The following CEP63 variants were observed in gnomAD, a reference collection of about 807,000 sequenced individuals.
CEP63 encodes the protein centrosomal protein of 63 kDa.
CEP63 carries 84 observed loss-of-function variants against 89.1 expected under a neutral mutation model. The observed-to-expected ratio is 0.94, with a 90% CI of 0.79 to 1.13. The LOEUF is 1.13. Among genes scored for constraint, CEP63 ranks in the 50% most tolerant of loss-of-function variants. CEP63 has a pLI of 0.00. For synonymous variants in CEP63, 267 were observed against 272.5 expected (o/e 0.98, Z 0.20); for missense variants, 838 against 813.3 (o/e 1.03, Z -0.37).
chr3:134,608,334 A>G, the CEP63 span: 2 of 1,284,250 alleles, frequency 1.6e-6, no homozygotes, highest in Middle Eastern at 2.5e-4. Flanking sequence ...CTTCTGTGAC[A>G]TGCCAGGCTG....
rs1373600094 is a variant in CEP63, at chr3:134,561,946, C to G, written c.*411C>G. ...GCATGGATTTAGGGGTCAAACATAC[C>G]TGGATCGATAGACTGGTTTTGCCAC... On this transcript the variant is annotated 3_prime_UTR_variant, in exon 15 of 15. Transcript: ENST00000675561. The G allele has an allele frequency of 4.9e-6, 5 of 1,027,986 alleles. No homozygotes were observed. The highest frequency in any genetic ancestry group is 5.8e-6 in the Non-Finnish European group (5 of 855,938). 63.7% of individuals were successfully genotyped at this position (1,027,986 alleles called of 1,614,324 possible). A position where few individuals can be genotyped will look rare whatever the true frequency, so the allele number is the denominator to read the frequency against.
At chr3:134,644,059 T>C in the CEP63 span, among the ~76,000 whole-genome samples, 1 of 152,114 alleles carries the variant, frequency 6.6e-6, no homozygotes, top group Non-Finnish European at 1.5e-5. Context: ...TCTCCTGACC[T>C]TGTGATTCAC....
In CEP63 at chr3:134,545,714, G is replaced by GC; in HGVS notation, c.685dup (p.Arg229ProfsTer8). The GC allele has an allele frequency of 6.2e-7, 1 of 1,614,104 alleles. No homozygotes were observed. The highest frequency in any genetic ancestry group is 8.5e-7 in the Non-Finnish European group (1 of 1,180,006). ...TCTGTGCCAATGAGTTGGAAATAGA[G>GC]CGCCTCACCATGAGGGTCAATGACT... On this transcript the variant is annotated frameshift_variant, in exon 7 of 15. Transcript: ENST00000675561. LOFTEE classifies it high-confidence loss of function.
chr3:134,603,477 A>C, the CEP63 span: 1 of 1,041,260 alleles, frequency 9.6e-7, no homozygotes, highest in Non-Finnish European at 1.4e-6. Flanking sequence ...AAGGGATTTC[A>C]TGCAGACTCA....
downstream of CEP63, among the ~76,000 whole-genome samples, chr3:134,588,228 G>T (rs1958525050): frequency 6.6e-6 from 1 of 152,032 alleles, no homozygotes; most frequent in Non-Finnish European, 1.5e-5. Flanking sequence ...GATAGAGGTT[G>T]CAGTGAGCTG....
intron 10 of CEP63, 39 bp from the exon 11 acceptor site, chr3:134,550,024 C>A (rs763350615): frequency 7.0e-7 from 1 of 1,432,004 alleles, no homozygotes; most frequent in Non-Finnish European, 9.9e-7. Context: ...TAAATGCTTT[C>A]TCTTAACTTT....
the CEP63 span, among the ~76,000 whole-genome samples, chr3:134,667,038 G>T: frequency 2.6e-5 from 4 of 152,242 alleles, no homozygotes; most frequent in Non-Finnish European, 4.4e-5. Context: ...TCAGCTCTGG[G>T]CTCCTCCCCC....
chr3:134,526,702 T>G (rs1948719839), intron 3 of CEP63, among the ~76,000 whole-genome samples: 1 of 152,230 alleles, frequency 6.6e-6, no homozygotes, highest in African/African-American at 2.4e-5. Context: ...TTGGAGTTCT[T>G]GCACTATTTC....
chr3:134,624,553 T>A, the CEP63 span, among the ~76,000 whole-genome samples: 1 of 152,230 alleles, frequency 6.6e-6, no homozygotes, highest in African/African-American at 2.4e-5. Context: ...CAGCTCTTCA[T>A]CTGCTCCTCC....
the CEP63 span, among the ~76,000 whole-genome samples, chr3:134,635,606 T>G: frequency 6.6e-6 from 1 of 151,938 alleles, no homozygotes; most frequent in African/African-American, 2.4e-5. Flanking sequence ...AGAACTGCTG[T>G]ATATTCCGAT....
At chr3:134,684,684 C>G in the CEP63 span, among the ~76,000 whole-genome samples, 1 of 152,242 alleles carries the variant, frequency 6.6e-6, no homozygotes, top group Admixed American at 6.5e-5. Context: ...TCTGTTGCAA[C>G]TTTGTCCCCA....
chr3:134,643,111 G>A, the CEP63 span, among the ~76,000 whole-genome samples: 1 of 152,064 alleles, frequency 6.6e-6, no homozygotes, highest in Non-Finnish European at 1.5e-5. Flanking sequence ...TTGATCTCAT[G>A]GTGAGGGGAA....
chr3:134,604,314 A>G, the CEP63 span: 1,613,201 of 1,614,018 alleles, frequency 1, 806,195 homozygotes, highest in East Asian at 1. Flanking sequence ...TGCCCTTGGC[A>G]AAGATCTGCA....
chr3:134,604,438 G>T, the CEP63 span: 1 of 1,613,058 alleles, frequency 6.2e-7, no homozygotes, highest in East Asian at 2.2e-5. Context: ...CAGCGTCGGG[G>T]CGCAGCTCTC....
chr3:134,653,174 G>A, the CEP63 span, among the ~76,000 whole-genome samples: 1 of 152,160 alleles, frequency 6.6e-6, no homozygotes, highest in Non-Finnish European at 1.5e-5. Flanking sequence ...TTGACATTTT[G>A]AGCCAGATAA....
chr3:134,620,659 C>T, the CEP63 span: 2 of 889,210 alleles, frequency 2.2e-6, no homozygotes, highest in Non-Finnish European at 3.6e-6. Flanking sequence ...TCATGTCACT[C>T]TGCACACGTG....
At chr3:134,751,267 C>G in the CEP63 span, among the ~76,000 whole-genome samples, 1 of 152,190 alleles carries the variant, frequency 6.6e-6, no homozygotes, top group East Asian at 1.9e-4. Context: ...GTACATACCA[C>G]TTTTCATTTA....
the CEP63 span, among the ~76,000 whole-genome samples, chr3:134,736,616 C>T: frequency 6.6e-6 from 1 of 152,058 alleles, no homozygotes; most frequent in Admixed American, 6.6e-5. Flanking sequence ...TGTTTGTGAC[C>T]TTTCTGAAGA....
chr3:134,499,157 C>G (rs142295870), intron 2 of CEP63, among the ~76,000 whole-genome samples: 95 of 152,288 alleles, frequency 6.2e-4, no homozygotes, highest in Non-Finnish European at 1.0e-3. Flanking sequence ...GTAATGCCAT[C>G]AGGTCCTGGG....
Sources: allele counts gnomAD v4.1 joint callset (sites outside exome capture counted in the v4.1 genomes callset), GRCh38; gene constraint gnomAD v4.1.1; transcripts MANE v1.5; gene names NCBI Gene and HGNC (gene_info 2026-07-23, HGNC 2026-07-21).